The following GUCY1A1 variants were observed in gnomAD, a reference collection of about 807,000 sequenced individuals.
GUCY1A1 encodes guanylate cyclase 1 soluble subunit alpha 1.
A neutral mutation model predicts 64.5 loss-of-function variants in GUCY1A1; 48 were observed. That is an observed-to-expected ratio of 0.74 (90% confidence interval 0.59 to 0.95). The LOEUF is 0.95. GUCY1A1 is among the 40% of genes least tolerant of loss of function. The pLI is 0.00. For missense variants in GUCY1A1, 804 were observed against 825.3 expected (o/e 0.97, Z 0.32); for synonymous variants, 308 against 303.4 (o/e 1.02, Z -0.16).
rs1734417329 is a variant in GUCY1A1 at position 155,673,335 on chromosome 4, G to A, written c.-113+5916G>A. Reference sequence around the variant, plus strand: ...ACTTGAAGGAATTTAAAGTCTGCATGAACAAAACCAAGAAATAGTCTCAGA... The same window carrying A: ...ACTTGAAGGAATTTAAAGTCTGCATAAACAAAACCAAGAAATAGTCTCAGA... On this transcript the variant is annotated intron_variant, in intron 2 of 9. Coordinates refer to ENST00000506455, the MANE Select transcript of GUCY1A1 (RefSeq NM_001130682.3). Among the ~76,000 whole-genome samples, 2 of 151,478 alleles carry A rather than the reference G, an allele frequency of 1.3e-5. 1 individual carries two copies. Among genetic ancestry groups the A allele is most frequent in the African/African-American group, 4.9e-5 (2 of 40,812 alleles).
intron 5 of GUCY1A1, among the ~76,000 whole-genome samples, chr4:155,709,970 C>A (rs1579083971): frequency 6.6e-6 from 1 of 152,102 alleles, no homozygotes; most frequent in Non-Finnish European, 1.5e-5. Flanking sequence ...TTATAGCACT[C>A]GTGAAAATGC....
intron 2 of GUCY1A1, among the ~76,000 whole-genome samples, chr4:155,695,166 C>G (rs1166957632): frequency 6.6e-6 from 1 of 152,208 alleles, no homozygotes. Context: ...CCATAATCTT[C>G]CTCTATACCT....
intron 2 of GUCY1A1, among the ~76,000 whole-genome samples, chr4:155,688,245 A>C (rs930608706): frequency 2.2e-4 from 33 of 150,874 alleles, no homozygotes; most frequent in Middle Eastern, 3.4e-3. Flanking sequence ...ACAAACAAAA[A>C]AAAAAAAAAA....
chr4:155,676,837 C>T (rs1442598683), intron 2 of GUCY1A1, among the ~76,000 whole-genome samples: 1 of 151,500 alleles, frequency 6.6e-6, no homozygotes, highest in Non-Finnish European at 1.5e-5. Flanking sequence ...TTTTTCTGCT[C>T]CTGCAATGCC....
chr4:155,722,172 T>A lies in GUCY1A1; in HGVS notation c.1851T>A (p.Asn617Lys), dbSNP rs747244361. ...CCTGCAGTGTACCACGAAAAATCAATGTCAGCCCAACAACTTACAGGTAGT... is the reference window on the plus strand; with the variant it reads ...CCTGCAGTGTACCACGAAAAATCAAAGTCAGCCCAACAACTTACAGGTAGT... ...FESCSVPRKINVSPTTYRLLK... is the reference protein window; with the variant it reads ...FESCSVPRKIKVSPTTYRLLK... Residue 617 changes from asparagine to lysine, a missense_variant, in exon 9 of 10, where the codon AAT becomes AAA. Coordinates refer to ENST00000506455, the MANE Select transcript of GUCY1A1 (RefSeq NM_001130682.3). 1.2e-6 allele frequency: 2 copies of A among 1,612,868 alleles called. No individual in the cohort carries two copies. The highest frequency in any genetic ancestry group is 1.7e-6 in the Non-Finnish European group (2 of 1,179,170).
At chr4:155,686,780 T>C (rs1729051900) in intron 2 of GUCY1A1, among the ~76,000 whole-genome samples, 1 of 152,226 alleles carries the variant, frequency 6.6e-6, no homozygotes, top group African/African-American at 2.4e-5. Context: ...AAAATGAGGT[T>C]TAAAATTCAA....
At chr4:155,717,852 T>C (rs1406187230) in intron 8 of GUCY1A1, among the ~76,000 whole-genome samples, 1 of 152,194 alleles carries the variant, frequency 6.6e-6, no homozygotes, top group Non-Finnish European at 1.5e-5. Context: ...TAGTGGAGAT[T>C]GTGCCTGCCG....
At chr4:155,676,260 G>C (rs1734913830) in intron 2 of GUCY1A1, among the ~76,000 whole-genome samples, 1 of 148,244 alleles carries the variant, frequency 6.7e-6, no homozygotes, top group South Asian at 2.1e-4. Flanking sequence ...ATAGAAAGAG[G>C]AAGACCAAAA....
chr4:155,673,925 A>G (rs925493157), intron 2 of GUCY1A1, among the ~76,000 whole-genome samples: 3 of 151,596 alleles, frequency 2.0e-5, no homozygotes, highest in Non-Finnish European at 1.5e-5. Flanking sequence ...TAGAATTATT[A>G]TGATATGAAT....
At chr4:155,685,673 T>A (rs1728910619) in intron 2 of GUCY1A1, among the ~76,000 whole-genome samples, 2 of 151,122 alleles carry the variant, frequency 1.3e-5, no homozygotes, top group Non-Finnish European at 2.9e-5. Flanking sequence ...TCTCCATTAA[T>A]GTGTTCTTGA....
chr4:155,690,579 C>T (rs1729605922), intron 2 of GUCY1A1, among the ~76,000 whole-genome samples: 1 of 152,174 alleles, frequency 6.6e-6, no homozygotes, highest in Admixed American at 6.5e-5. Context: ...CCACCATTAT[C>T]TTGCTCTGTC....
At chr4:155,729,957 T>C in intron 9 of GUCY1A1, 73 bp from the exon 10 acceptor site, 1 of 885,644 alleles carries the variant, frequency 1.1e-6, no homozygotes. Context: ...TCAGTAACAT[T>C]CAGTTAGTTA....
chr4:155,713,974 C>G (rs1234659384), intron 7 of GUCY1A1, among the ~76,000 whole-genome samples: 2 of 152,084 alleles, frequency 1.3e-5, no homozygotes, highest in Non-Finnish European at 2.9e-5. Context: ...CAAAGTATGG[C>G]TTATACAAGG....
At chr4:155,692,092 A>G (rs974558638) in intron 2 of GUCY1A1, among the ~76,000 whole-genome samples, 8 of 152,160 alleles carry the variant, frequency 5.3e-5, no homozygotes, top group Non-Finnish European at 1.0e-4. Flanking sequence ...AATGGCCTCC[A>G]GCTCCATCCA....
chr4:155,691,021 A>G (rs1406901573), intron 2 of GUCY1A1, among the ~76,000 whole-genome samples: 1 of 152,224 alleles, frequency 6.6e-6, no homozygotes, highest in South Asian at 2.1e-4. Flanking sequence ...TAAAAAGAAA[A>G]TGCAGATGAA....
intron 5 of GUCY1A1, among the ~76,000 whole-genome samples, chr4:155,709,637 C>T (rs1732281321): frequency 6.6e-6 from 1 of 152,062 alleles, no homozygotes; most frequent in African/African-American, 2.4e-5. Flanking sequence ...AGTTCAAGAC[C>T]AGCCTGGCCA....
At chr4:155,696,299 T>A (rs1393533681) in intron 2 of GUCY1A1, among the ~76,000 whole-genome samples, 1 of 152,224 alleles carries the variant, frequency 6.6e-6, no homozygotes, top group East Asian at 1.9e-4. Context: ...CATATTGTTT[T>A]GCTTTAGGTA....
Position 155,730,119 on chromosome 4 carries a change from G to A in GUCY1A1, c.1961G>A (p.Cys654Tyr). Residue 654 changes from cysteine (C) to tyrosine (Y), a missense_variant, in exon 10 of 10, where the codon TGC becomes TAC. Physicochemically the swap from Cys to Tyr is radical, Grantham distance 194 (BLOSUM62 -2). Coordinates refer to ENST00000506455, the MANE Select transcript of GUCY1A1 (RefSeq NM_001130682.3). ...TTCCCTAGTGAAATCCCCGGAATCT[G>A]CCATTTTCTGGATGCTTACCAACAA... ...PNFPSEIPGI[C>Y]HFLDAYQQGT... The A allele has an allele frequency of 1.9e-6, 3 of 1,611,118 alleles. No homozygotes were observed. The highest frequency in any genetic ancestry group is 1.7e-4 in the Middle Eastern group (1 of 6,046).
chr4:155,682,461 G>A (rs1735917774), intron 2 of GUCY1A1, among the ~76,000 whole-genome samples: 1 of 152,104 alleles, frequency 6.6e-6, no homozygotes, highest in South Asian at 2.1e-4. Flanking sequence ...CGGATCACGA[G>A]GTTAGGAGTT....
Sources: gnomAD v4.1 joint callset for allele counts (sites outside exome capture counted in the v4.1 genomes callset) on GRCh38, gnomAD v4.1.1 for gene constraint, MANE v1.5 for transcripts, NCBI Gene and HGNC (gene_info 2026-07-23, HGNC 2026-07-21) for gene names.